PANK3: variants seen among roughly 807,000 people sequenced by gnomAD.
PANK3 encodes hPanK3.
In PANK3, 20 loss-of-function variants were observed where a neutral mutation model predicts 39.4. The ratio of observed to expected loss-of-function variants is 0.51; its 90% CI spans 0.36 to 0.74. The LOEUF is 0.74. Among genes scored for constraint, PANK3 ranks in the 30% least tolerant of loss-of-function variants. The probability of loss-of-function intolerance (pLI) is 0.00; values close to 1 mark genes in which losing one functional copy is unlikely to be tolerated. For synonymous variants in PANK3, 140 were observed against 157.3 expected, an observed-to-expected ratio of 0.89 and a Z score of 0.82; for missense variants, 265 against 437.0, an observed-to-expected ratio of 0.61 and a Z score of 3.51.
chr5:168,561,226 T>C (rs902305200), intron 5 of PANK3, among the ~76,000 whole-genome samples, 167 bp downstream of exon 5: 4 of 152,222 alleles, frequency 2.6e-5, no homozygotes, highest in Admixed American at 6.5e-5. Flanking sequence ...AAAAGTAATA[T>C]AGCAACTGGA....
Position 168,548,577 on chromosome 5 carries a change from T to C in PANK3, c.*8994A>G, listed in dbSNP as rs1759228675. Reference sequence around the variant, plus strand: ...CATCTATTTAGAATATGAACAAAATTAGAAATGGTTAAACTACAGAAAAAA... The same window carrying C: ...CATCTATTTAGAATATGAACAAAATCAGAAATGGTTAAACTACAGAAAAAA... On this transcript the variant is annotated 3_prime_UTR_variant, in exon 7 of 7. Coordinates refer to ENST00000239231, the MANE Select transcript of PANK3 (RefSeq NM_024594.4). 1 of 152,002 alleles carries C rather than the reference T, an allele frequency of 6.6e-6. No homozygotes were observed. The highest frequency in any genetic ancestry group is 1.5e-5 in the Non-Finnish European group (1 of 67,986). 9.4% of individuals were successfully genotyped at this position (152,002 alleles called of 1,614,324 possible).
Position 168,550,201 on chromosome 5 carries a change from A to G in PANK3, c.*7370T>C, listed in dbSNP as rs1371199322. 1 of 152,226 alleles carries G rather than the reference A, an allele frequency of 6.6e-6. No homozygotes were observed. The highest frequency in any genetic ancestry group is 1.5e-5 in the Non-Finnish European group (1 of 68,044). The allele number at this position is 152,226 out of a possible 1,614,324, so 9.4% of individuals were successfully genotyped here. A position where few individuals can be genotyped will look rare whatever the true frequency, so the allele number is the denominator to read the frequency against. On this transcript the variant is annotated 3_prime_UTR_variant, in exon 7 of 7. Transcript: ENST00000239231. ...TCTTATTTGAGATATTAAACACTTC[A>G]TTATAAAATAGGTTTTGTATTAGAT...
In PANK3 at chr5:168,568,961, T is replaced by C. The variant is rs752476992; in HGVS notation, c.66A>G (p.Leu22=). ...TAGGTTCAAAGTACGAGAGCTTTAC[T>C]AGAGTTCCCCCAATGTCCATGCCAA... ...PWFGMDIGGT[L]VKLSYFEPID... The change falls in exon 2 of 7, where the codon CTA becomes CTG. Residue 22 remains leucine, a synonymous_variant. Coordinates refer to ENST00000239231, the MANE Select transcript of PANK3 (RefSeq NM_024594.4). 1 of 1,583,522 alleles carries C rather than the reference T, an allele frequency of 6.3e-7. No individual in the cohort carries two copies. The highest frequency in any genetic ancestry group is 8.6e-7 in the Non-Finnish European group (1 of 1,166,598).
intron 3 of PANK3, 76 bp downstream of exon 3, chr5:168,565,937 A>G (rs1759525924): frequency 5.5e-6 from 7 of 1,282,896 alleles, no homozygotes; most frequent in Non-Finnish European, 7.3e-6. Context: ...GGTGAAAATG[A>G]CATTATTATA....
At position 168,550,778 on chromosome 5, in the gene PANK3, AT is replaced by A. The variant is rs1413951230; in HGVS notation, c.*6792del. ...CTCAAACACAGCCATGAATGAAGCA[AT>A]TTTCTCAGGACCCTGAAAACTGACT... On this transcript the variant is annotated 3_prime_UTR_variant, in exon 7 of 7. Coordinates refer to ENST00000239231, the MANE Select transcript of PANK3 (RefSeq NM_024594.4). The A allele has an allele frequency of 2.0e-5, 3 of 152,280 alleles. No individual in the cohort carries two copies. Among genetic ancestry groups the A allele is most frequent in the Admixed American group, 2.0e-4 (3 of 15,290 alleles). 9.4% of individuals were successfully genotyped at this position (152,280 alleles called of 1,614,324 possible).
In PANK3 at chr5:168,553,931, G is replaced by C. The variant is rs1025046300; in HGVS notation, c.*3640C>G. 1.3e-5 allele frequency: 2 copies of C among 152,094 alleles called. No homozygotes were observed. The highest frequency in any genetic ancestry group is 4.8e-5 in the African/African-American group (2 of 41,410). The allele number at this position is 152,094 out of a possible 1,614,324, so 9.4% of individuals were successfully genotyped here. On this transcript the variant is annotated 3_prime_UTR_variant, in exon 7 of 7. Transcript: ENST00000239231. ...AAAGCTAAATATTTTATTCTATTATGAACAACGGCAACAAAACCACGTTTA... is the reference window on the plus strand; with the variant it reads ...AAAGCTAAATATTTTATTCTATTATCAACAACGGCAACAAAACCACGTTTA...
At chr5:168,558,913 G>C (rs1272511919) in intron 6 of PANK3, 119 bp downstream of exon 6, 3 of 935,300 alleles carry the variant, frequency 3.2e-6, no homozygotes, top group Non-Finnish European at 4.6e-6. Flanking sequence ...GAGCCCAGGA[G>C]GAAGAGGCTG....
At chr5:168,565,885 A>ATATATATATATATATATATATATATATTT (rs1441027360) in intron 3 of PANK3, 128 bp downstream of exon 3, 6 of 192,926 alleles carry the variant, frequency 3.1e-5, no homozygotes, top group African/African-American at 1.6e-4. Flanking sequence ...ATATATATAT[A>ATATATATATATATATATATATATATATTT]TTTTTTTTTT....
At position 168,554,967 on chromosome 5, in the gene PANK3, C is replaced by T. The variant is rs970622604; in HGVS notation, c.*2604G>A. On this transcript the variant is annotated 3_prime_UTR_variant, in exon 7 of 7. Coordinates refer to ENST00000239231, the MANE Select transcript of PANK3 (RefSeq NM_024594.4). The stretch of plus-strand genomic sequence containing the variant: ...TGAAATTACCTGCTAGAGTGAGCAA[C>T]CATCTCACCACTGTGGCTCTTTAGC... 1 of 152,314 alleles carries T rather than the reference C, an allele frequency of 6.6e-6. No homozygotes were observed. Among genetic ancestry groups the T allele is most frequent in the Admixed American group, 6.5e-5 (1 of 15,296 alleles). The allele number at this position is 152,314 out of a possible 1,614,324, so 9.4% of individuals were successfully genotyped here.
rs186294930 is a variant in PANK3 at position 168,554,092 on chromosome 5, C to G, written c.*3479G>C. 6.6e-6 allele frequency: 1 copy of G among 152,018 alleles called. No homozygotes were observed. The highest frequency in any genetic ancestry group is 2.4e-5 in the African/African-American group (1 of 41,384). 9.4% of individuals were successfully genotyped at this position (152,018 alleles called of 1,614,324 possible). A position where few individuals can be genotyped will look rare whatever the true frequency, so the allele number is the denominator to read the frequency against. Reference sequence around the variant, plus strand: ...CATAATAGTTCCAAAATTTGTAAAGCCTTTTACCTGGGAATTTATTCTCTC... The same window carrying G: ...CATAATAGTTCCAAAATTTGTAAAGGCTTTTACCTGGGAATTTATTCTCTC... On this transcript the variant is annotated 3_prime_UTR_variant, in exon 7 of 7. Transcript: ENST00000239231.
In PANK3 at chr5:168,555,319, A is replaced by G. The variant is rs1241154498; in HGVS notation, c.*2252T>C. On this transcript the variant is annotated 3_prime_UTR_variant, in exon 7 of 7. Transcript: ENST00000239231. The stretch of plus-strand genomic sequence containing the variant: ...GAGTGCAGTGGCACAATCTCAGCTC[A>G]CTGCAGCCTCCTCCTCCTGGGTTCA... The G allele has an allele frequency of 6.6e-6, 1 of 152,314 alleles. No individual in the cohort carries two copies. The highest frequency in any genetic ancestry group is 1.5e-5 in the Non-Finnish European group (1 of 68,118). 9.4% of individuals were successfully genotyped at this position (152,314 alleles called of 1,614,324 possible). A position where few individuals can be genotyped will look rare whatever the true frequency, so the allele number is the denominator to read the frequency against.
At position 168,557,562 on chromosome 5, in the gene PANK3, C is replaced by G. The variant is rs757790803; in HGVS notation, c.*9G>C. ...TGACATTTATTAGCAGAGAGAGAGA[C>G]CTGATGCTTTAGCTGAAATTTGGCA... On this transcript the variant is annotated 3_prime_UTR_variant, in exon 7 of 7. Transcript: ENST00000239231. 19 of 1,611,938 alleles carry G rather than the reference C, an allele frequency of 1.2e-5. No homozygotes were observed. The South Asian group carries it at 1.8e-4, about 15-fold the overall frequency.
chr5:168,568,580 G>C (rs1008035336), intron 2 of PANK3, 66 bp downstream of exon 2: 3 of 1,194,472 alleles, frequency 2.5e-6, no homozygotes, highest in East Asian at 2.3e-5. Context: ...GAACATGCTA[G>C]ATGGAAACCT....
rs535376187 is a variant in PANK3 at position 168,556,072 on chromosome 5, C to T, written c.*1499G>A. On this transcript the variant is annotated 3_prime_UTR_variant, in exon 7 of 7. Coordinates refer to ENST00000239231, the MANE Select transcript of PANK3 (RefSeq NM_024594.4). ...TCAAAATTCAGACTCATCTACCTTT[C>T]CAAGTTAGACAGTTGGGGAAAGAAC... The T allele has an allele frequency of 9.2e-5, 14 of 152,334 alleles. No individual in the cohort carries two copies. Among genetic ancestry groups the T allele is most frequent in the African/African-American group, 3.4e-4 (14 of 41,578 alleles). 9.4% of individuals were successfully genotyped at this position (152,334 alleles called of 1,614,324 possible). A position where few individuals can be genotyped will look rare whatever the true frequency, so the allele number is the denominator to read the frequency against.
chr5:168,555,116 T>C lies in PANK3; in HGVS notation c.*2455A>G, dbSNP rs562386957. 16 of 152,350 alleles carry C rather than the reference T, an allele frequency of 1.1e-4. No homozygotes were observed. The highest frequency in any genetic ancestry group is 3.1e-4 in the African/African-American group (13 of 41,598). 9.4% of individuals were successfully genotyped at this position (152,350 alleles called of 1,614,324 possible). On this transcript the variant is annotated 3_prime_UTR_variant, in exon 7 of 7. Coordinates refer to ENST00000239231, the MANE Select transcript of PANK3 (RefSeq NM_024594.4). The stretch of plus-strand genomic sequence containing the variant: ...CTCCCTGTAAGCTCACTGTGGTAAA[T>C]AGATTTGGTTCTAATACCACAATTC...
At chr5:168,565,437 C>T (rs918957329) in intron 3 of PANK3, among the ~76,000 whole-genome samples, 1 of 151,962 alleles carries the variant, frequency 6.6e-6, no homozygotes, top group Non-Finnish European at 1.5e-5. Context: ...TTCCCCAGTA[C>T]TGCAGTTTAA....
intron 1 of PANK3, among the ~76,000 whole-genome samples, chr5:168,570,865 G>A (rs1289319385): frequency 6.6e-6 from 1 of 152,144 alleles, no homozygotes; most frequent in East Asian, 1.9e-4. Flanking sequence ...ATATAAATGA[G>A]CTGCTTAAGA....
chr5:168,569,670 A>G (rs1003650133), intron 1 of PANK3, among the ~76,000 whole-genome samples: 1 of 152,154 alleles, frequency 6.6e-6, no homozygotes, highest in Non-Finnish European at 1.5e-5. Context: ...CACTAAGGGC[A>G]TGAAAATCTT....
chr5:168,561,375 TG>T lies in PANK3; in HGVS notation c.936+17del, dbSNP rs1428897273. ...CACATTTTTGATAATTCAAGTTTTGTGTTTTTTGTTTTTTTACCTCATTAAC... is the reference window on the plus strand; with the variant it reads ...CACATTTTTGATAATTCAAGTTTTGTTTTTTTGTTTTTTTACCTCATTAAC... On this transcript the variant is annotated intron_variant, in intron 5 of 6. Coordinates refer to ENST00000239231, the MANE Select transcript of PANK3 (RefSeq NM_024594.4). 1.3e-6 allele frequency: 2 copies of T among 1,562,268 alleles called. No homozygotes were observed. Among genetic ancestry groups the T allele is most frequent in the Non-Finnish European group, 1.7e-6 (2 of 1,159,274 alleles).
Sources: gnomAD v4.1 joint callset for allele counts (sites outside exome capture counted in the v4.1 genomes callset) on GRCh38, gnomAD v4.1.1 for gene constraint, MANE v1.5 for transcripts, NCBI Gene and HGNC (gene_info 2026-07-23, HGNC 2026-07-21) for gene names.